The following DIAPH2 variants were observed in gnomAD, a reference collection of about 807,000 sequenced individuals.
The protein encoded by DIAPH2 is protein diaphanous homolog 2.
A neutral mutation model predicts 92.7 loss-of-function variants in DIAPH2; 35 were observed. The observed-to-expected ratio is 0.38, with a 90% CI of 0.29 to 0.50. The LOEUF is 0.50. Among genes scored for constraint, DIAPH2 ranks in the 20% least tolerant of loss-of-function variants. The pLI is 0.94. For synonymous variants in DIAPH2, 301 were observed against 280.4 expected, an observed-to-expected ratio of 1.07 and a Z score of -0.73; for missense variants, 701 against 819.5, an observed-to-expected ratio of 0.86 and a Z score of 1.77.
At chrX:96,923,452 A>G (rs775508622) in intron 9 of DIAPH2, among the ~76,000 whole-genome samples, 32 of 112,306 alleles carry the variant, frequency 2.8e-4, no homozygotes, top group Non-Finnish European at 4.9e-4. Context: ...CAAAAATTAA[A>G]TAAAACAATC....
intron 23 of DIAPH2, among the ~76,000 whole-genome samples, chrX:97,286,221 G>A (rs1201364944): frequency 9.4e-6 from 1 of 106,423 alleles, no homozygotes; most frequent in Non-Finnish European, 1.9e-5. Context: ...GTTAATTTTT[G>A]TATTTTTTTA....
At chrX:96,916,230 T>A (rs909461917) in intron 7 of DIAPH2, among the ~76,000 whole-genome samples, 2 of 110,867 alleles carry the variant, frequency 1.8e-5, no homozygotes, top group African/African-American at 6.5e-5. Flanking sequence ...AATGGAGATA[T>A]ATCTGATCAA....
At chrX:97,039,458 C>A (rs1343726929) in intron 17 of DIAPH2, among the ~76,000 whole-genome samples, 4 of 111,086 alleles carry the variant, frequency 3.6e-5, no homozygotes, top group Non-Finnish European at 7.6e-5. Flanking sequence ...ACTAGAATTT[C>A]CCTTTTAGAT....
chrX:96,812,089 G>A (rs1808224950), intron 4 of DIAPH2, among the ~76,000 whole-genome samples: 1 of 111,893 alleles, frequency 8.9e-6, no homozygotes, highest in African/African-American at 3.2e-5. Context: ...AGTTTCAGAA[G>A]GAATGGTACC....
rs1293898260 is a variant in DIAPH2 at position 97,512,222 on chromosome X, C to T, written c.3241+82477C>T. Among the ~76,000 whole-genome samples the T allele has an allele frequency of 4.4e-5, 5 of 113,575 alleles. No individual in the cohort carries two copies. In the East Asian group the frequency reaches 1.4e-3, roughly 31 times the overall value. On this transcript the variant is annotated intron_variant, in intron 26 of 26. Transcript: ENST00000324765. ...GGTCTACTCAGAGATTCAACTTCTT[C>T]CTGGTTTAGTCTTGGGAGGGTGTAT...
chrX:97,181,924 G>T, intron 22 of DIAPH2, among the ~76,000 whole-genome samples: 1 of 112,234 alleles, frequency 8.9e-6, no homozygotes, highest in Non-Finnish European at 1.9e-5. Flanking sequence ...TATTCTGTAG[G>T]ATAGTTATAG....
chrX:97,257,361 A>G (rs2068246007), intron 23 of DIAPH2, among the ~76,000 whole-genome samples: 2 of 111,880 alleles, frequency 1.8e-5, no homozygotes, highest in South Asian at 7.5e-4. Context: ...ATCATCAGTG[A>G]GGAGAATAGG....
intron 22 of DIAPH2, among the ~76,000 whole-genome samples, chrX:97,198,445 C>T (rs775775119): frequency 9.1e-6 from 1 of 110,226 alleles, no homozygotes; most frequent in Non-Finnish European, 1.9e-5. Flanking sequence ...TGAAAACTTA[C>T]GAAGTGGATG....
At chrX:97,554,223 A>G (rs2071241797) in intron 26 of DIAPH2, among the ~76,000 whole-genome samples, 1 of 111,542 alleles carries the variant, frequency 9.0e-6, no homozygotes, top group East Asian at 2.8e-4. Flanking sequence ...CTATAGCAGC[A>G]CGTCCAGTGA....
intron 26 of DIAPH2, among the ~76,000 whole-genome samples, chrX:97,476,760 G>T (rs2070607164): frequency 9.5e-6 from 1 of 104,860 alleles, no homozygotes; most frequent in East Asian, 2.9e-4. Context: ...TGACCAACAT[G>T]CAGAAACCCT....
Position 96,836,970 on chromosome X carries a change from G to T in DIAPH2, c.448-44609G>T, listed in dbSNP as rs192893422. Among the ~76,000 whole-genome samples, 489 of 104,811 alleles carry T rather than the reference G, an allele frequency of 4.7e-3. 11 individuals carry two copies. The East Asian group carries it at 0.077, about 16-fold the overall frequency. The allele number at this position is 104,811 out of a possible 115,157, so 91.0% of individuals were successfully genotyped here. A position where few individuals can be genotyped will look rare whatever the true frequency, so the allele number is the denominator to read the frequency against. On this transcript the variant is annotated intron_variant, in intron 4 of 26. Transcript: ENST00000324765. The stretch of plus-strand genomic sequence containing the variant: ...TCTCGATCTCCTGACCTCGTGATCC[G>T]CCCGCCTCAGCCTCCCAAAGTGCTG...
chrX:97,492,565 A>T (rs1278790223), intron 26 of DIAPH2, among the ~76,000 whole-genome samples: 1 of 110,690 alleles, frequency 9.0e-6, no homozygotes, highest in Non-Finnish European at 1.9e-5. Flanking sequence ...TACTGGAAGA[A>T]CTCCCGTTAG....
intron 19 of DIAPH2, among the ~76,000 whole-genome samples, chrX:97,078,232 T>A (rs2066718306): frequency 9.0e-6 from 1 of 111,662 alleles, no homozygotes; most frequent in Non-Finnish European, 1.9e-5. Context: ...TATACTTATA[T>A]TCTTAAGGAA....
At chrX:96,768,087 C>G (rs1459614709) in intron 4 of DIAPH2, among the ~76,000 whole-genome samples, 1 of 111,717 alleles carries the variant, frequency 9.0e-6, no homozygotes, top group Non-Finnish European at 1.9e-5. Flanking sequence ...ATGCATGAAA[C>G]AGATTTAGAA....
intron 21 of DIAPH2, among the ~76,000 whole-genome samples, chrX:97,126,439 C>T (rs903809001): frequency 8.9e-6 from 1 of 112,070 alleles, no homozygotes; most frequent in Admixed American, 9.5e-5. Flanking sequence ...ATACATTTAA[C>T]GACTTTTTAG....
chrX:96,722,808 G>A (rs780515059), intron 1 of DIAPH2, among the ~76,000 whole-genome samples: 1 of 111,587 alleles, frequency 9.0e-6, no homozygotes, highest in East Asian at 2.9e-4. Context: ...CTTTTGTGGT[G>A]TTTCCAGGTT....
chrX:97,070,140 GT>G (rs907774549), intron 17 of DIAPH2, among the ~76,000 whole-genome samples: 1 of 110,814 alleles, frequency 9.0e-6, no homozygotes, highest in African/African-American at 3.3e-5. Context: ...TCTATTAGCA[GT>G]GCCAATTTAC....
chrX:97,392,585 T>C (rs548079798), intron 25 of DIAPH2, among the ~76,000 whole-genome samples: 2 of 111,636 alleles, frequency 1.8e-5, no homozygotes, highest in Middle Eastern at 4.7e-3. Context: ...TGGGTAACAT[T>C]TGGCTGAGCA....
At chrX:97,525,813 T>C (rs1470289012) in intron 26 of DIAPH2, among the ~76,000 whole-genome samples, 1 of 112,120 alleles carries the variant, frequency 8.9e-6, no homozygotes, top group Non-Finnish European at 1.9e-5. Context: ...AGTACAGTTT[T>C]ATCTGACTTT....
Sources: gnomAD v4.1 joint callset for allele counts (sites outside exome capture counted in the v4.1 genomes callset) on GRCh38, gnomAD v4.1.1 for gene constraint, MANE v1.5 for transcripts, NCBI Gene and HGNC (gene_info 2026-07-23, HGNC 2026-07-21) for gene names.